Variants in TANC1 observed in about 807,000 individuals in gnomAD.
TANC1 encodes the protein protein TANC1.
A neutral mutation model predicts 149.7 loss-of-function variants in TANC1; 77 were observed. That is an observed-to-expected ratio of 0.51 (90% CI 0.43 to 0.62). TANC1 has a LOEUF of 0.62. Among genes scored for constraint, TANC1 ranks in the 20% least tolerant of loss-of-function variants. The probability of loss-of-function intolerance (pLI) is 0.00; values close to 1 mark genes in which losing one functional copy is unlikely to be tolerated. For missense variants in TANC1, 1,985 were observed against 2,321.8 expected, an observed-to-expected ratio of 0.85 and a Z score of 2.98; for synonymous variants, 854 against 925.0, an observed-to-expected ratio of 0.92 and a Z score of 1.39.
chr2:159,018,722 G>A (rs6734987), intron 2 of TANC1, among the ~76,000 whole-genome samples: 30 of 152,026 alleles, frequency 2.0e-4, no homozygotes, highest in African/African-American at 5.5e-4. Flanking sequence ...TAGGTATTGC[G>A]TACAGTAGAA....
chr2:159,065,303 T>C (rs2042564868), intron 2 of TANC1, among the ~76,000 whole-genome samples: 1 of 152,212 alleles, frequency 6.6e-6, no homozygotes, highest in African/African-American at 2.4e-5. Context: ...TATAACTTCC[T>C]ATATATTGTA....
intron 23 of TANC1, 139 bp downstream of exon 23, chr2:159,224,503 T>C: frequency 1.1e-6 from 1 of 929,408 alleles, no homozygotes. Context: ...TCAGTCTCAC[T>C]TAATCACCAT....
chr2:159,085,141 G>A (rs1039846684), intron 3 of TANC1, among the ~76,000 whole-genome samples: 7 of 152,200 alleles, frequency 4.6e-5, no homozygotes, highest in Non-Finnish European at 1.0e-4. Context: ...AAGACTGGGT[G>A]AGTCCTCATG....
intron 8 of TANC1, among the ~76,000 whole-genome samples, chr2:159,166,249 A>G (rs183695229): frequency 1.7e-3 from 263 of 152,342 alleles, no homozygotes; most frequent in African/African-American, 6.0e-3. Context: ...TTAATTTTCC[A>G]GGAAACAAGC....
chr2:159,106,172 A>G (rs1016259633), intron 4 of TANC1, among the ~76,000 whole-genome samples: 1 of 152,150 alleles, frequency 6.6e-6, no homozygotes, highest in Non-Finnish European at 1.5e-5. Flanking sequence ...TTACAGTTCG[A>G]TGTTCTTTTT....
At chr2:159,193,077 A>G (rs1398073227) in intron 16 of TANC1, among the ~76,000 whole-genome samples, 1 of 152,276 alleles carries the variant, frequency 6.6e-6, no homozygotes, top group Admixed American at 6.5e-5. Context: ...ATAGATGTCC[A>G]GTACTTTTCA....
intron 2 of TANC1, among the ~76,000 whole-genome samples, chr2:159,023,487 C>A (rs2038995990): frequency 6.6e-6 from 1 of 151,922 alleles, no homozygotes; most frequent in Admixed American, 6.6e-5. Context: ...ACCACAGGCA[C>A]ATACAACCAC....
intron 3 of TANC1, among the ~76,000 whole-genome samples, chr2:159,072,532 A>C (rs1485269956): frequency 1.3e-5 from 2 of 152,222 alleles, no homozygotes; most frequent in Non-Finnish European, 2.9e-5. Context: ...ACCTTTCTGC[A>C]AAAGTGTTTT....
chr2:158,983,193 A>G (rs1335074041), intron 1 of TANC1, among the ~76,000 whole-genome samples: 1 of 152,054 alleles, frequency 6.6e-6, no homozygotes, highest in African/African-American at 2.4e-5. Context: ...TTAGCCAGGC[A>G]CGGTGGCTCA....
At chr2:159,180,955 G>A (rs1026439721) in intron 14 of TANC1, among the ~76,000 whole-genome samples, 2 of 152,118 alleles carry the variant, frequency 1.3e-5, no homozygotes, top group African/African-American at 2.4e-5. Context: ...CTGGGGAGGT[G>A]ATTTTAAAAC....
intron 4 of TANC1, among the ~76,000 whole-genome samples, chr2:159,099,992 T>C (rs1201635744): frequency 6.6e-6 from 1 of 152,194 alleles, no homozygotes; most frequent in African/African-American, 2.4e-5. Flanking sequence ...TTAAAAACAT[T>C]ATGTGCTTCC....
intron 14 of TANC1, among the ~76,000 whole-genome samples, chr2:159,179,691 G>A (rs754530302): frequency 5.3e-5 from 8 of 152,116 alleles, no homozygotes; most frequent in East Asian, 3.9e-4. Flanking sequence ...TAGCCTCCCC[G>A]CTCCACACCC....
intron 3 of TANC1, among the ~76,000 whole-genome samples, chr2:159,069,765 CTT>C (rs67843631): frequency 0.33 from 35,754 of 109,482 alleles, 4,701 homozygotes; most frequent in Middle Eastern, 0.38. Flanking sequence ...TATGTGCAAG[CTT>C]TTTTTTTTTT....
chr2:159,000,545 T>C (rs1168264534), intron 1 of TANC1, among the ~76,000 whole-genome samples: 1 of 151,554 alleles, frequency 6.6e-6, no homozygotes, highest in Non-Finnish European at 1.5e-5. Flanking sequence ...GGGCCCAGGG[T>C]ATAGGTGAGG....
rs531002330 is a variant in TANC1, at chr2:158,982,070, G to A, written c.-126+13288G>A. Among the ~76,000 whole-genome samples the A allele has an allele frequency of 1.3e-4, 19 of 151,872 alleles. 1 individual carries two copies. The highest frequency in any genetic ancestry group is 8.3e-4 in the South Asian group (4 of 4,794). On this transcript the variant is annotated intron_variant, in intron 1 of 26. Coordinates refer to ENST00000263635, the MANE Select transcript of TANC1 (RefSeq NM_033394.3). ...ATATCCTTCCAAGTGCTAGTTGTATGTCTGGGAAAAGTTAAAGGATTTTGT... is the reference window on the plus strand; with the variant it reads ...ATATCCTTCCAAGTGCTAGTTGTATATCTGGGAAAAGTTAAAGGATTTTGT...
At chr2:159,084,496 G>A (rs2149809852) in intron 3 of TANC1, among the ~76,000 whole-genome samples, 1 of 152,280 alleles carries the variant, frequency 6.6e-6, no homozygotes, top group South Asian at 2.1e-4. Context: ...CTTGTAAGGA[G>A]TTGAAGTAAG....
At position 159,219,977 on chromosome 2, in the gene TANC1, A is replaced by AGTGT. The variant is rs760037919; in HGVS notation, c.3678+151_3678+154dup. On this transcript the variant is annotated intron_variant, in intron 22 of 26. Coordinates refer to ENST00000263635, the MANE Select transcript of TANC1 (RefSeq NM_033394.3). Reference sequence around the variant, plus strand: ...AGGTTGTGTCTCAGTGTCATCAGAGAGTGTGTGTGTGTGTGTGTGTGTGTG... The same window carrying AGTGT: ...AGGTTGTGTCTCAGTGTCATCAGAGAGTGTGTGTGTGTGTGTGTGTGTGTGTGTG... The AGTGT allele has an allele frequency of 8.8e-3, 4,935 of 559,870 alleles. 25 individuals carry two copies. Among genetic ancestry groups the AGTGT allele is most frequent in the African/African-American group, 0.024 (1,138 of 48,418 alleles). 34.7% of individuals were successfully genotyped at this position (559,870 alleles called of 1,614,324 possible). A position where few individuals can be genotyped will look rare whatever the true frequency, so the allele number is the denominator to read the frequency against.
At chr2:159,045,306 C>G (rs530656253) in intron 2 of TANC1, among the ~76,000 whole-genome samples, 1 of 152,242 alleles carries the variant, frequency 6.6e-6, no homozygotes, top group African/African-American at 2.4e-5. Context: ...GTGGCACATG[C>G]CTGTAGTCCC....
chr2:159,169,185 T>C (rs2054913092), intron 8 of TANC1, 65 bp from the exon 9 acceptor site: 3 of 1,323,958 alleles, frequency 2.3e-6, no homozygotes, highest in African/African-American at 2.9e-5. Flanking sequence ...TTATAAGTTA[T>C]AGTCACTTAG....
Sources: allele counts gnomAD v4.1 joint callset (sites outside exome capture counted in the v4.1 genomes callset), GRCh38; gene constraint gnomAD v4.1.1; transcripts MANE v1.5; gene names NCBI Gene and HGNC (gene_info 2026-07-23, HGNC 2026-07-21).